Variants in ARHGAP18 observed in about 807,000 individuals in gnomAD.
The protein encoded by ARHGAP18 is Rho GTPase activating protein 18.
A neutral mutation model predicts 86.2 loss-of-function variants in ARHGAP18; 67 were observed. That is an observed-to-expected ratio of 0.78 (90% CI 0.64 to 0.95). The LOEUF (loss-of-function observed/expected upper bound fraction) is 0.95. Among genes scored for constraint, ARHGAP18 ranks in the 40% least tolerant of loss-of-function variants. The pLI, the probability that ARHGAP18 is intolerant of heterozygous loss-of-function variation, is 0.00. For missense variants in ARHGAP18, 691 were observed against 780.4 expected, an observed-to-expected ratio of 0.89 and a Z score of 1.37; for synonymous variants, 283 against 280.4, an observed-to-expected ratio of 1.01 and a Z score of -0.09.
At chr6:129,634,496 A>G (rs1214861993) in intron 3 of ARHGAP18, among the ~76,000 whole-genome samples, 1 of 152,234 alleles carries the variant, frequency 6.6e-6, no homozygotes, top group Non-Finnish European at 1.5e-5. Context: ...ACAGAAATGA[A>G]GTATTGATAC....
At chr6:129,700,999 TAA>T (rs11461679) in intron 1 of ARHGAP18, among the ~76,000 whole-genome samples, 18 of 140,104 alleles carry the variant, frequency 1.3e-4, no homozygotes, top group Admixed American at 2.1e-4. Context: ...ACCCCTCCCT[TAA>T]AAAAAAAAAA....
At chr6:129,593,425 C>A (rs542495779) in intron 12 of ARHGAP18, among the ~76,000 whole-genome samples, 1 of 152,138 alleles carries the variant, frequency 6.6e-6, no homozygotes, top group Non-Finnish European at 1.5e-5. Flanking sequence ...TGCACCATTG[C>A]ACTTCAGCCT....
At chr6:129,691,761 C>T (rs555710639) in intron 1 of ARHGAP18, among the ~76,000 whole-genome samples, 1 of 152,126 alleles carries the variant, frequency 6.6e-6, no homozygotes, top group South Asian at 2.1e-4. Context: ...AAGTCCTCAC[C>T]CACCCACTGC....
chr6:129,580,062 G>A lies in ARHGAP18; in HGVS notation c.1900+8C>T, dbSNP rs752134236. 3 of 1,605,878 alleles carry A rather than the reference G, an allele frequency of 1.9e-6. No individual in the cohort carries two copies. The highest frequency in any genetic ancestry group is 4.5e-5 in the East Asian group (2 of 44,738). On this transcript the variant is annotated splice_region_variant and intron_variant, in intron 14 of 14. Coordinates refer to ENST00000368149, the MANE Select transcript of ARHGAP18 (RefSeq NM_033515.3). The stretch of plus-strand genomic sequence containing the variant: ...ATATAAAATGTAAAGAGAAAAAAAA[G>A]TGCTTACCAATATTTCCTCCAATTT...
chr6:129,685,229 G>A (rs1460149801), intron 1 of ARHGAP18, among the ~76,000 whole-genome samples: 1 of 152,102 alleles, frequency 6.6e-6, no homozygotes, highest in East Asian at 1.9e-4. Context: ...ATATAGGGCT[G>A]GGCACAGTGG....
intron 8 of ARHGAP18, among the ~76,000 whole-genome samples, chr6:129,609,098 A>T (rs927284908): frequency 2.3e-4 from 32 of 141,420 alleles, no homozygotes; most frequent in African/African-American, 7.9e-4. Context: ...GAGGGAAAGA[A>T]TGAGGGGGGA....
At chr6:129,636,219 GC>G (rs1284344179) in intron 3 of ARHGAP18, among the ~76,000 whole-genome samples, 2 of 152,190 alleles carry the variant, frequency 1.3e-5, no homozygotes, top group Admixed American at 6.5e-5. Context: ...AGTGCCTGGA[GC>G]AATTTAATGA....
intron 1 of ARHGAP18, among the ~76,000 whole-genome samples, chr6:129,645,629 T>C (rs1773562707): frequency 6.6e-6 from 1 of 152,194 alleles, no homozygotes. Context: ...ATTTCTCACC[T>C]TTTACAAGTA....
intron 10 of ARHGAP18, among the ~76,000 whole-genome samples, chr6:129,602,417 C>T (rs1788765800): frequency 6.6e-6 from 1 of 151,924 alleles, no homozygotes; most frequent in South Asian, 2.1e-4. Flanking sequence ...AGCCTAAAAT[C>T]CCTACCCTAA....
chr6:129,605,939 G>T lies in ARHGAP18; in HGVS notation c.1303C>A (p.Gln435Lys), dbSNP rs981586849. Residue 435 changes from glutamine (Q) to lysine (K), a missense_variant, in exon 10 of 15, where the codon CAA (glutamine) becomes AAA (lysine). Transcript: ENST00000368149. ...AVQNLPTKKQ[Q>K]LQALNLLVIL... ...ACAAGAAGGTTCAAAGCCTGTAGTT[G>T]CTGCTTCTTGGTTGGAAGATCTGCA... The T allele has an allele frequency of 2.5e-6, 4 of 1,613,412 alleles. No homozygotes were observed. The African/African-American group carries it at 5.3e-5, about 22-fold the overall frequency.
At chr6:129,686,067 A>G (rs1344113275) in intron 1 of ARHGAP18, among the ~76,000 whole-genome samples, 1 of 152,196 alleles carries the variant, frequency 6.6e-6, no homozygotes, top group Admixed American at 6.5e-5. Flanking sequence ...AAATTAAATA[A>G]ATTTGGGTTT....
chr6:129,584,702 C>T (rs997629192), intron 12 of ARHGAP18, among the ~76,000 whole-genome samples: 1 of 152,052 alleles, frequency 6.6e-6, no homozygotes, highest in East Asian at 1.9e-4. Context: ...TTCGAGGATA[C>T]CAGTGAAAGT....
intron 13 of ARHGAP18, among the ~76,000 whole-genome samples, chr6:129,582,991 G>A (rs1339722073): frequency 2.6e-5 from 4 of 152,100 alleles, no homozygotes. Context: ...TAAACCCTAT[G>A]GGAAGGTACT....
At chr6:129,583,912 G>T in intron 13 of ARHGAP18, 76 bp downstream of exon 13, 35 of 1,430,414 alleles carry the variant, frequency 2.4e-5, no homozygotes, top group Non-Finnish European at 3.0e-5. Context: ...AAAGGAAGAA[G>T]AAGCAGCAGC....
intron 9 of ARHGAP18, among the ~76,000 whole-genome samples, chr6:129,606,744 T>A (rs577154865): frequency 1.1e-4 from 17 of 152,192 alleles, no homozygotes; most frequent in Non-Finnish European, 2.4e-4. Context: ...GTTCCGTCTC[T>A]CCTAGAAATT....
At position 129,708,474 on chromosome 6, in the gene ARHGAP18, G is replaced by T. The variant is rs528422392; in HGVS notation, c.113+1550C>A. Among the ~76,000 whole-genome samples, 225 of 152,274 alleles carry T rather than the reference G, an allele frequency of 1.5e-3. 1 individual carries two copies. The highest frequency in any genetic ancestry group is 5.3e-3 in the African/African-American group (222 of 41,550). ...CCACACTGCAAACACAGAATAATGA[G>T]TCTCCAGAACTGGAGATGCAGCCCC... On this transcript the variant is annotated intron_variant, in intron 1 of 14. Transcript: ENST00000368149.
At chr6:129,627,642 A>AGAGGGAAAGGAAGAAAGAAGGAAG in intron 5 of ARHGAP18, among the ~76,000 whole-genome samples, 1 of 151,984 alleles carries the variant, frequency 6.6e-6, no homozygotes, top group Non-Finnish European at 1.5e-5. Context: ...AGGAAGGGAT[A>AGAGGGAAAGGAAGAAAGAAGGAAG]GAGGGAAAGG....
intron 13 of ARHGAP18, among the ~76,000 whole-genome samples, chr6:129,581,872 T>C (rs1445816035): frequency 2.6e-5 from 4 of 152,170 alleles, no homozygotes; most frequent in African/African-American, 9.7e-5. Context: ...GAATTTCACT[T>C]ACTATGCGGC....
chr6:129,667,313 G>A (rs780076607), intron 1 of ARHGAP18, among the ~76,000 whole-genome samples: 2 of 152,040 alleles, frequency 1.3e-5, no homozygotes, highest in Non-Finnish European at 2.9e-5. Flanking sequence ...CTCAGGGATA[G>A]ATAGAATTGA....
Sources: allele counts gnomAD v4.1 joint callset (sites outside exome capture counted in the v4.1 genomes callset), GRCh38; gene constraint gnomAD v4.1.1; transcripts MANE v1.5; gene names NCBI Gene and HGNC (gene_info 2026-07-23, HGNC 2026-07-21).